FAM13A: variants seen among roughly 807,000 people sequenced by gnomAD.
The protein encoded by FAM13A is protein FAM13A.
FAM13A carries 76 observed loss-of-function variants against 129.6 expected under a neutral mutation model. That is an observed-to-expected ratio of 0.59 (90% CI 0.49 to 0.71). The LOEUF is 0.71. FAM13A is among the 30% of genes least tolerant of loss of function. The pLI is 0.00. For synonymous variants in FAM13A, 443 were observed against 449.9 expected (o/e 0.98, Z 0.20); for missense variants, 1,108 against 1,249.3 (o/e 0.89, Z 1.70).
intron 5 of FAM13A, among the ~76,000 whole-genome samples, chr4:88,921,861 T>C (rs199952694): frequency 0.27 from 41,082 of 151,424 alleles, 6,110 homozygotes; most frequent in Middle Eastern, 0.35. Context: ...GGAAGATCTA[T>C]CAAGCAAATG....
intron 9 of FAM13A, among the ~76,000 whole-genome samples, chr4:88,788,723 G>C (rs1303910476): frequency 6.6e-6 from 1 of 152,058 alleles, no homozygotes; most frequent in Non-Finnish European, 1.5e-5. Flanking sequence ...AAATAAGCTG[G>C]TATGGAAAGC....
At chr4:88,826,402 C>G (rs1043676370) in intron 7 of FAM13A, among the ~76,000 whole-genome samples, 1 of 151,962 alleles carries the variant, frequency 6.6e-6, no homozygotes, top group East Asian at 1.9e-4. Flanking sequence ...CTTCTTCCCC[C>G]TTTATAAGTC....
intron 7 of FAM13A, among the ~76,000 whole-genome samples, chr4:88,834,531 C>A (rs1734486978): frequency 6.6e-6 from 1 of 152,046 alleles, no homozygotes; most frequent in South Asian, 2.1e-4. Context: ...CTATGCATAT[C>A]AAAACATCAT....
intron 5 of FAM13A, among the ~76,000 whole-genome samples, chr4:88,907,636 A>T (rs1199365039): frequency 6.6e-6 from 1 of 152,200 alleles, no homozygotes; most frequent in East Asian, 1.9e-4. Flanking sequence ...AGGAACTATT[A>T]TCATCATCTC....
intron 1 of FAM13A, among the ~76,000 whole-genome samples, chr4:89,030,463 A>C (rs963113489): frequency 6.6e-6 from 1 of 152,154 alleles, no homozygotes; most frequent in African/African-American, 2.4e-5. Flanking sequence ...CAAACACTGA[A>C]AAGAGAGATG....
intron 7 of FAM13A, among the ~76,000 whole-genome samples, chr4:88,834,824 T>C (rs886257437): frequency 6.6e-6 from 1 of 152,206 alleles, no homozygotes; most frequent in African/African-American, 2.4e-5. Context: ...ACTTTGTTAA[T>C]AAAAGTTTAA....
chr4:88,920,090 C>T (rs1037885325), intron 5 of FAM13A, among the ~76,000 whole-genome samples: 1 of 152,234 alleles, frequency 6.6e-6, no homozygotes, highest in Non-Finnish European at 1.5e-5. Flanking sequence ...GGAGGCCTGC[C>T]TGCCTCTGTA....
chr4:89,052,589 A>AT (rs1293731630), intron 1 of FAM13A, among the ~76,000 whole-genome samples: 1 of 151,470 alleles, frequency 6.6e-6, no homozygotes, highest in African/African-American at 2.4e-5. Flanking sequence ...AGCTCTGAGG[A>AT]TTTTTAAACT....
Position 88,731,312 on chromosome 4 carries a change from G to A in FAM13A, c.2945+15C>T. 6.8e-7 allele frequency: 1 copy of A among 1,463,600 alleles called. No individual in the cohort carries two copies. Among genetic ancestry groups the A allele is most frequent in the South Asian group, 1.1e-5 (1 of 87,334 alleles). 90.7% of individuals were successfully genotyped at this position (1,463,600 alleles called of 1,614,324 possible). On this transcript the variant is annotated intron_variant, in intron 23 of 23. Coordinates refer to ENST00000264344, the MANE Select transcript of FAM13A (RefSeq NM_014883.4). ...CGGCGGGGGGGAAGGGAGGGTGGGG[G>A]AAGACAGGCACTACCTTCCATTCTG...
intron 6 of FAM13A, among the ~76,000 whole-genome samples, chr4:88,889,369 A>T (rs1744982458): frequency 6.6e-6 from 1 of 152,200 alleles, no homozygotes; most frequent in Non-Finnish European, 1.5e-5. Context: ...TGTCTAGACC[A>T]GATGGAGTAC....
chr4:89,029,139 A>C (rs1410150064), intron 2 of FAM13A, among the ~76,000 whole-genome samples: 2 of 152,336 alleles, frequency 1.3e-5, no homozygotes, highest in South Asian at 4.1e-4. Flanking sequence ...ATTGACTATC[A>C]GTTGGAATTT....
chr4:89,005,106 C>T (rs1764826689), intron 3 of FAM13A, among the ~76,000 whole-genome samples: 1 of 151,844 alleles, frequency 6.6e-6, no homozygotes, highest in Admixed American at 6.6e-5. Context: ...CTGTTGTTTA[C>T]TTCTTTGTGT....
At chr4:88,902,344 T>C (rs1011010008) in intron 6 of FAM13A, among the ~76,000 whole-genome samples, 4 of 152,144 alleles carry the variant, frequency 2.6e-5, no homozygotes, top group Non-Finnish European at 4.4e-5. Context: ...TGAACATTGA[T>C]GCAAAAGTTG....
At position 88,991,103 on chromosome 4, in the gene FAM13A, C is replaced by G. The variant is rs768654755; in HGVS notation, c.475G>C (p.Glu159Gln). ...AGGCAGTAGTGGGTGTCTGGCAGCT[C>G]TTTTATTAAGTCTCTTAAGCTACTC... ...QESSLRDLIK[E>Q]LPDTHYCLLK... is the part of the protein sequence containing the mutation. Residue 159 changes from glutamate (E) to glutamine (Q), a missense_variant, in exon 4 of 24, where the codon GAG becomes CAG. Around this residue, in one of 3 missense-constraint regions of FAM13A, gnomAD observed 566 missense variants for 595.7 expected, o/e 0.95. Coordinates refer to ENST00000264344, the MANE Select transcript of FAM13A (RefSeq NM_014883.4). 1 of 1,613,822 alleles carries G rather than the reference C, an allele frequency of 6.2e-7. No homozygotes were observed. Among genetic ancestry groups the G allele is most frequent in the Non-Finnish European group, 8.5e-7 (1 of 1,179,844 alleles).
At chr4:89,010,497 G>T (rs984578603) in intron 3 of FAM13A, among the ~76,000 whole-genome samples, 3 of 152,186 alleles carry the variant, frequency 2.0e-5, no homozygotes, top group African/African-American at 7.2e-5. Flanking sequence ...CAGGACAAAA[G>T]ATCAGGTCTG....
chr4:88,835,139 T>C (rs1383476406), intron 7 of FAM13A, among the ~76,000 whole-genome samples: 1 of 152,178 alleles, frequency 6.6e-6, no homozygotes, highest in Non-Finnish European at 1.5e-5. Context: ...TCTCCTCCTC[T>C]ACAGACACAT....
intron 2 of FAM13A, among the ~76,000 whole-genome samples, chr4:89,022,925 G>C (rs1767463338): frequency 6.6e-6 from 1 of 152,104 alleles, no homozygotes. Context: ...GCTTGGGAGG[G>C]AATTTTTCCC....
At chr4:88,772,832 G>C (rs940453366) in intron 11 of FAM13A, among the ~76,000 whole-genome samples, 2 of 152,158 alleles carry the variant, frequency 1.3e-5, no homozygotes, top group African/African-American at 4.8e-5. Context: ...TCAGATGGTT[G>C]TATGGATACT....
intron 5 of FAM13A, among the ~76,000 whole-genome samples, chr4:88,933,558 ACCT>A (rs1263948172): frequency 6.6e-6 from 1 of 151,842 alleles, no homozygotes. Flanking sequence ...AGTAATGCAA[ACCT>A]CCTATTTCCT....
Sources: gnomAD v4.1 joint callset for allele counts (sites outside exome capture counted in the v4.1 genomes callset) on GRCh38, gnomAD v4.1.1 for gene constraint, gnomAD v4.1.1 regional missense constraint, MANE v1.5 for transcripts, NCBI Gene and HGNC (gene_info 2026-07-23, HGNC 2026-07-21) for gene names.